Variants in ADGRL2 observed in about 807,000 individuals in gnomAD.
ADGRL2 encodes the protein adhesion G protein-coupled receptor L2, also known as calcium-independent alpha-latrotoxin receptor 2.
Under a neutral mutation model 157.4 loss-of-function variants are expected in ADGRL2, and 44 were observed. The ratio of observed to expected loss-of-function variants is 0.28; its 90% CI spans 0.22 to 0.36. The LOEUF is 0.36. Ranked by LOEUF, ADGRL2 falls within the 10% of genes least tolerant of loss-of-function variation. ADGRL2 has a pLI of 1.00. For synonymous variants in ADGRL2, 585 were observed against 624.7 expected, an observed-to-expected ratio of 0.94 and a Z score of 0.95; for missense variants, 1,510 against 1,768.9, an observed-to-expected ratio of 0.85 and a Z score of 2.63.
At chr1:81,321,833 G>GA (rs35262833) in intron 1 of ADGRL2, among the ~76,000 whole-genome samples, 63,204 of 144,284 alleles carry the variant, frequency 0.44, 14,117 homozygotes, top group Middle Eastern at 0.53. Context: ...ACATGCTGTT[G>GA]AAAAAAAAAA....
At chr1:81,721,483 T>C (rs893303335) in intron 1 of ADGRL2, among the ~76,000 whole-genome samples, 5 of 152,178 alleles carry the variant, frequency 3.3e-5, no homozygotes, top group Admixed American at 6.5e-5. Flanking sequence ...AGGCCGGGCA[T>C]AGTGGCTCAC....
chr1:81,419,562 A>G (rs144937189), intron 1 of ADGRL2, among the ~76,000 whole-genome samples: 30 of 152,342 alleles, frequency 2.0e-4, no homozygotes, highest in Admixed American at 1.3e-4. Flanking sequence ...TATGCAAATA[A>G]CTACTTATTT....
intron 2 of ADGRL2, among the ~76,000 whole-genome samples, chr1:81,516,003 A>G (rs2079169710): frequency 6.6e-6 from 1 of 152,238 alleles, no homozygotes; most frequent in African/African-American, 2.4e-5. Flanking sequence ...ACTATTTATC[A>G]TCAAAATATT....
chr1:81,580,145 A>G (rs1295069296), intron 2 of ADGRL2, among the ~76,000 whole-genome samples: 2 of 152,194 alleles, frequency 1.3e-5, no homozygotes, highest in African/African-American at 2.4e-5. Flanking sequence ...AGACTTAACC[A>G]TAGAGAAGCC....
At chr1:81,717,463 G>C (rs2149105980) in intron 1 of ADGRL2, among the ~76,000 whole-genome samples, 1 of 152,252 alleles carries the variant, frequency 6.6e-6, no homozygotes, top group Admixed American at 6.5e-5. Context: ...AATGTCAATA[G>C]GCTTCCTATT....
In ADGRL2 at chr1:81,969,401, G is replaced by T; in HGVS notation, c.2733+14G>T. On this transcript the variant is annotated intron_variant, in intron 15 of 23. Coordinates refer to ENST00000686636, the MANE Select transcript of ADGRL2 (RefSeq NM_001366006.2). ...ACAAAATATGCGGTAAGCACCAGTT[G>T]AGTTCATTGACCTTAGATCTCTGAA... 1 of 1,566,338 alleles carries T rather than the reference G, an allele frequency of 6.4e-7. No individual in the cohort carries two copies. Among genetic ancestry groups the T allele is most frequent in the South Asian group, 1.1e-5 (1 of 89,890 alleles).
At chr1:81,977,957 A>G (rs1660647309) in intron 17 of ADGRL2, among the ~76,000 whole-genome samples, 1 of 151,656 alleles carries the variant, frequency 6.6e-6, no homozygotes, top group South Asian at 2.1e-4. Context: ...CTTACCTATT[A>G]TAGTCAGTTT....
chr1:81,511,203 T>A (rs1347137839), intron 2 of ADGRL2, among the ~76,000 whole-genome samples: 1 of 151,790 alleles, frequency 6.6e-6, no homozygotes, highest in African/African-American at 2.4e-5. Context: ...AAAATCCTTC[T>A]AAAACCGGTA....
intron 2 of ADGRL2, among the ~76,000 whole-genome samples, chr1:81,867,166 T>G (rs1003828203): frequency 3.9e-5 from 6 of 152,214 alleles, no homozygotes; most frequent in African/African-American, 1.4e-4. Context: ...CTTAGTCATC[T>G]TACTTGCTTT....
At chr1:81,387,721 A>C (rs1317284105) in intron 1 of ADGRL2, among the ~76,000 whole-genome samples, 1 of 152,164 alleles carries the variant, frequency 6.6e-6, no homozygotes, top group African/African-American at 2.4e-5. Flanking sequence ...TGATGTAGGT[A>C]GTATGGCTTT....
intron 23 of ADGRL2, 77 bp from the exon 24 acceptor site, chr1:81,990,314 A>C (rs537089643): frequency 1.4e-5 from 22 of 1,530,778 alleles, no homozygotes; most frequent in Non-Finnish European, 1.9e-5. Context: ...GACATTAAAA[A>C]GTTTTGTACA....
intron 3 of ADGRL2, among the ~76,000 whole-genome samples, chr1:81,612,841 G>A (rs72937207): frequency 0.028 from 4,237 of 152,194 alleles, 187 homozygotes; most frequent in African/African-American, 0.097. Context: ...TCAGACAAAT[G>A]CACATCAAAA....
At chr1:81,776,595 CT>C (rs1211939364) in intron 2 of ADGRL2, among the ~76,000 whole-genome samples, 4 of 152,186 alleles carry the variant, frequency 2.6e-5, no homozygotes, top group African/African-American at 9.7e-5. Context: ...TACAACCACT[CT>C]TAACATTGTA....
intron 1 of ADGRL2, among the ~76,000 whole-genome samples, chr1:81,385,536 A>G (rs1307603960): frequency 6.6e-6 from 1 of 152,132 alleles, no homozygotes. Context: ...TAACTTAGGT[A>G]AAGCACATAG....
intron 3 of ADGRL2, among the ~76,000 whole-genome samples, chr1:81,667,769 G>A (rs2082782237): frequency 6.6e-6 from 1 of 152,036 alleles, no homozygotes. Context: ...TCTCTAAAGA[G>A]CATTGTCAAA....
chr1:81,690,234 T>G lies in ADGRL2; in HGVS notation c.-142-71577T>G, dbSNP rs180787158. 1.6e-4 allele frequency among the ~76,000 whole-genome samples: 25 copies of G among 152,330 alleles called. No individual in the cohort carries two copies. The East Asian group carries it at 4.4e-3, about 27-fold the overall frequency. ...AGGGCCAGGCATAGTGGCTCACACC[T>G]GTAATCCCAGCACTTCAGGAGGCCA... On this transcript the variant is annotated intron_variant, in intron 3 of 24. Transcript: ENST00000370721.
At chr1:81,363,415 T>C (rs1361629933) in intron 1 of ADGRL2, among the ~76,000 whole-genome samples, 1 of 152,000 alleles carries the variant, frequency 6.6e-6, no homozygotes, top group Admixed American at 6.6e-5. Context: ...TCCATAAAGT[T>C]TGACAATTAA....
At chr1:81,376,066 C>T (rs1172578506) in intron 1 of ADGRL2, among the ~76,000 whole-genome samples, 1 of 152,226 alleles carries the variant, frequency 6.6e-6, no homozygotes, top group Non-Finnish European at 1.5e-5. Flanking sequence ...ACCCCTGCCA[C>T]TCCTGGCATG....
At chr1:81,466,839 A>G (rs955290341) in intron 2 of ADGRL2, among the ~76,000 whole-genome samples, 2 of 152,184 alleles carry the variant, frequency 1.3e-5, no homozygotes, top group Non-Finnish European at 2.9e-5. Context: ...TTCTTTGGAA[A>G]GTTAAAAGGA....
Sources: gnomAD v4.1 joint callset for allele counts (sites outside exome capture counted in the v4.1 genomes callset) on GRCh38, gnomAD v4.1.1 for gene constraint, MANE v1.5 for transcripts, NCBI Gene and HGNC (gene_info 2026-07-23, HGNC 2026-07-21) for gene names.